Variants in NOTCH2 observed in about 807,000 individuals in gnomAD.
NOTCH2 encodes the protein notch receptor 2.
In NOTCH2, 29 loss-of-function variants were observed where a neutral mutation model predicts 235.8. The ratio of observed to expected loss-of-function variants is 0.12; its 90% confidence interval spans 0.09 to 0.17. The LOEUF is 0.17. Ranked by LOEUF, NOTCH2 falls within the 10% of genes least tolerant of loss-of-function variation. The pLI is 1.00. For synonymous variants in NOTCH2, 1,086 were observed against 1,141.5 expected (o/e 0.95, Z 0.98); for missense variants, 2,285 against 3,150.2 (o/e 0.73, Z 6.57).
chr1:119,921,649 G>T, intron 29 of NOTCH2, 64 bp downstream of exon 29: 1 of 1,362,792 alleles, frequency 7.3e-7, no homozygotes. Context: ...GGAGCTAAAG[G>T]ACAGAAATTT....
intron 17 of NOTCH2, among the ~76,000 whole-genome samples, chr1:119,942,907 C>T (rs1412412854): frequency 1.5e-5 from 2 of 137,592 alleles, no homozygotes; most frequent in Non-Finnish European, 3.0e-5. Flanking sequence ...AAGTCTCACT[C>T]TGTTGCCCCG....
At chr1:120,000,382 A>T (rs1172952855) in intron 3 of NOTCH2, among the ~76,000 whole-genome samples, 1 of 151,604 alleles carries the variant, frequency 6.6e-6, no homozygotes, top group African/African-American at 2.4e-5. Context: ...AAAAATACAA[A>T]AATTAGCCGG....
At chr1:120,009,239 A>G (rs1424546516) in intron 2 of NOTCH2, among the ~76,000 whole-genome samples, 1 of 151,182 alleles carries the variant, frequency 6.6e-6, no homozygotes, top group Non-Finnish European at 1.5e-5. Context: ...AAGCCACTGT[A>G]AAGAAAGACT....
chr1:119,942,265 C>T (rs1256099819), intron 17 of NOTCH2, among the ~76,000 whole-genome samples: 1 of 152,132 alleles, frequency 6.6e-6, no homozygotes, highest in African/African-American at 2.4e-5. Context: ...ATTGAAATAT[C>T]ACATAGCTTG....
intron 2 of NOTCH2, among the ~76,000 whole-genome samples, chr1:120,010,437 AT>A (rs2101257888): frequency 6.6e-6 from 1 of 152,232 alleles, no homozygotes; most frequent in Non-Finnish European, 1.5e-5. Context: ...AATTTAATAA[AT>A]GCTTGGAGTT....
intron 1 of NOTCH2, among the ~76,000 whole-genome samples, chr1:120,043,652 TAAAACAAAACCAGGACTTGCTTATCA>T: frequency 6.6e-6 from 1 of 150,378 alleles, no homozygotes. Flanking sequence ...ACCTGCTTAT[TAAAACAAAACCAGGACTTGCTTATCA>T]AAAACAAAAC....
intron 5 of NOTCH2, among the ~76,000 whole-genome samples, chr1:119,977,563 G>A (rs961900597): frequency 6.6e-6 from 1 of 152,200 alleles, no homozygotes; most frequent in Non-Finnish European, 1.5e-5. Context: ...GAAACTAGGG[G>A]AGAAAGAGCG....
At chr1:119,940,177 A>C (rs1174747041) in intron 19 of NOTCH2, among the ~76,000 whole-genome samples, 2 of 152,230 alleles carry the variant, frequency 1.3e-5, no homozygotes, top group African/African-American at 4.8e-5. Context: ...TATCATTATT[A>C]AACACTTAGA....
In NOTCH2 at chr1:119,955,160, C is replaced by A. The variant is rs908720175; in HGVS notation, c.2099G>T (p.Gly700Val). The A allele has an allele frequency of 6.8e-6, 11 of 1,613,986 alleles. No individual in the cohort carries two copies. The highest frequency in any genetic ancestry group is 1.6e-4 in the Middle Eastern group (1 of 6,082). ...PCRKGATCIN[G>V]VNGFRCICPE... ...GCATATACAGCGGAAACCATTCACA[C>A]CGTTGATACATGTTGCACCCTTGCG... The change falls in exon 13 of 34, where the codon GGT becomes GTT. Residue 700 changes from glycine (G) to valine (V), a missense_variant. Gly to Val is a moderately radical substitution (Grantham distance 109). Transcript: ENST00000256646.
At chr1:120,068,874 G>T in intron 1 of NOTCH2, 1 of 672,102 alleles carries the variant, frequency 1.5e-6, no homozygotes, top group Non-Finnish European at 2.3e-6. Flanking sequence ...AGGCGAGGCT[G>T]GCTGCGACGG....
chr1:119,920,762 T>C (rs887507507), intron 29 of NOTCH2, among the ~76,000 whole-genome samples: 1 of 152,244 alleles, frequency 6.6e-6, no homozygotes, highest in African/African-American at 2.4e-5. Flanking sequence ...TGATCATGTG[T>C]TAAATGCTTA....
intron 5 of NOTCH2, among the ~76,000 whole-genome samples, chr1:119,981,569 G>A (rs929294126): frequency 3.9e-5 from 6 of 152,142 alleles, no homozygotes; most frequent in African/African-American, 1.4e-4. Context: ...GCTACACCCT[G>A]AGTCATGGAC....
intron 21 of NOTCH2, among the ~76,000 whole-genome samples, chr1:119,935,979 A>G (rs1444422844): frequency 6.6e-6 from 1 of 152,206 alleles, no homozygotes; most frequent in African/African-American, 2.4e-5. Context: ...ACTCGGTCAA[A>G]AGGCATATGT....
At chr1:119,948,934 T>G in intron 16 of NOTCH2, 73 bp downstream of exon 16, 1 of 1,594,200 alleles carries the variant, frequency 6.3e-7, no homozygotes, top group Non-Finnish European at 8.6e-7. Context: ...GCCTTCCATA[T>G]GATCTGATAA....
chr1:120,002,735 T>C (rs1444065574), intron 3 of NOTCH2, among the ~76,000 whole-genome samples: 1 of 145,132 alleles, frequency 6.9e-6, no homozygotes, highest in Non-Finnish European at 1.5e-5. Flanking sequence ...ATCTTCATTT[T>C]ATTTCCTTTC....
intron 5 of NOTCH2, among the ~76,000 whole-genome samples, chr1:119,979,746 T>C (rs1557831043): frequency 6.6e-6 from 1 of 152,162 alleles, no homozygotes; most frequent in Admixed American, 6.5e-5. Context: ...TTTTAAAGAA[T>C]ATGTATATGT....
chr1:120,065,461 G>A (rs61200250), intron 1 of NOTCH2, among the ~76,000 whole-genome samples: 5,794 of 152,210 alleles, frequency 0.038, 131 homozygotes, highest in South Asian at 0.11. Flanking sequence ...GAGTTTTTGT[G>A]CACATAAGCG....
intron 4 of NOTCH2, chr1:119,995,497 T>C (rs1330515218): frequency 1.3e-5 from 2 of 152,258 alleles, no homozygotes; most frequent in Non-Finnish European, 2.9e-5. Context: ...AATATTGAAA[T>C]ATTTTCAAAA....
intron 11 of NOTCH2, among the ~76,000 whole-genome samples, chr1:119,962,401 G>C (rs1553199097): frequency 6.6e-6 from 1 of 152,178 alleles, no homozygotes; most frequent in African/African-American, 2.4e-5. Flanking sequence ...GAAGCAAATT[G>C]CTTTTGGAAG....
Sources: gnomAD v4.1 joint callset for allele counts (sites outside exome capture counted in the v4.1 genomes callset) on GRCh38, gnomAD v4.1.1 for gene constraint, MANE v1.5 for transcripts, NCBI Gene and HGNC (gene_info 2026-07-23, HGNC 2026-07-21) for gene names.